B4GALT7: variants seen among roughly 807,000 people sequenced by gnomAD.
B4GALT7 encodes UDP-Gal:beta-GlcNAc beta-1,4-galactosyltransferase 7.
A neutral mutation model predicts 33.0 loss-of-function variants in B4GALT7; 30 were observed. The observed-to-expected ratio is 0.91, with a 90% CI of 0.68 to 1.23. B4GALT7 has a LOEUF of 1.23. B4GALT7 is among the 50% of genes most tolerant of loss of function. The probability of loss-of-function intolerance (pLI) is 0.00; values close to 1 mark genes in which losing one functional copy is unlikely to be tolerated. For synonymous variants in B4GALT7, 213 were observed against 187.2 expected, an observed-to-expected ratio of 1.14 and a Z score of -1.13; for missense variants, 507 against 450.8, an observed-to-expected ratio of 1.12 and a Z score of -1.13.
chr5:177,607,434 C>G lies in B4GALT7; in HGVS notation c.546C>G (p.Pro182=). The change falls in exon 3 of 6, where the codon CCC becomes CCG. Residue 182 remains proline (P), a synonymous_variant. Transcript: ENST00000029410. ...ELDYGFPEAG[P]FHVASPELHP... ...ACTATGGCTTTCCTGAGGCTGGGCC[C>G]TTCCACGTGGCCTCCCCGGAGCTCC... 1 of 1,614,026 alleles carries G rather than the reference C, an allele frequency of 6.2e-7. No homozygotes were observed. Among genetic ancestry groups the G allele is most frequent in the Non-Finnish European group, 8.5e-7 (1 of 1,180,046 alleles).
At position 177,600,345 on chromosome 5, in the gene B4GALT7, C is replaced by A; in HGVS notation, c.50+85C>A. ...CCGGCGGAATCTGGGAACCCGAGGC[C>A]ATCACGTCTCCATGTCTGCGGGTTT... On this transcript the variant is annotated intron_variant, in intron 1 of 5. Transcript: ENST00000029410. The surrounding 1 kb of genome is among the most constrained non-coding windows in gnomAD (Gnocchi z 4.4). The A allele has an allele frequency of 9.0e-7, 1 of 1,105,052 alleles. No homozygotes were observed. The highest frequency in any genetic ancestry group is 1.2e-6 in the Non-Finnish European group (1 of 863,868). 68.5% of individuals were successfully genotyped at this position (1,105,052 alleles called of 1,614,324 possible).
At position 177,604,298 on chromosome 5, in the gene B4GALT7, T is replaced by C. The variant is rs1767918464; in HGVS notation, c.170T>C (p.Val57Ala). The C allele has an allele frequency of 6.2e-7, 1 of 1,611,736 alleles. No homozygotes were observed. The highest frequency in any genetic ancestry group is 1.7e-5 in the Admixed American group (1 of 59,774). ...LWLQLSCSGD[V>A]ARAVRGQGQE... is the part of the protein sequence containing the mutation. ...CTGCAGCTCAGCTGCTCTGGGGACG[T>C]GGCCCGGGCAGTCAGGGGACAAGGG... Residue 57 changes from valine to alanine, a missense_variant, in exon 2 of 6, where the codon GTG becomes GCG. Coordinates refer to ENST00000029410, the MANE Select transcript of B4GALT7 (RefSeq NM_007255.3).
At chr5:177,602,404 T>A (rs749221196) in intron 1 of B4GALT7, among the ~76,000 whole-genome samples, 1 of 152,208 alleles carries the variant, frequency 6.6e-6, no homozygotes, top group Non-Finnish European at 1.5e-5. Flanking sequence ...CTGTCTGGCC[T>A]GTGCTTGCTG....
rs372153569 is a variant in B4GALT7 at position 177,609,710 on chromosome 5, G to A, written c.*15G>A. 3.4e-5 allele frequency: 54 copies of A among 1,590,344 alleles called. No individual in the cohort carries two copies. Among genetic ancestry groups the A allele is most frequent in the Non-Finnish European group, 4.4e-5 (51 of 1,168,456 alleles). On this transcript the variant is annotated 3_prime_UTR_variant, in exon 6 of 6. Transcript: ENST00000029410. ...CATTCAGCTGAGCTGGATGGACAGT[G>A]AGGAAGCCTGTACCTACAGGCCATA... is the stretch of plus-strand genomic sequence containing the variant.
In B4GALT7 at chr5:177,600,408, G is replaced by A; in HGVS notation, c.50+148G>A. On this transcript the variant is annotated intron_variant, in intron 1 of 5. Coordinates refer to ENST00000029410, the MANE Select transcript of B4GALT7 (RefSeq NM_007255.3). The surrounding 1 kb of genome is among the most constrained non-coding windows in gnomAD (Gnocchi z 4.4). ...GTGGTTCTCCCTGTGGGTCCCTGGC[G>A]CTCTGTTCCGGTTTCTGTCTGTCCC... 3.4e-6 allele frequency: 2 copies of A among 583,196 alleles called. No homozygotes were observed. Among genetic ancestry groups the A allele is most frequent in the South Asian group, 7.3e-5 (1 of 13,672 alleles). 36.1% of individuals were successfully genotyped at this position (583,196 alleles called of 1,614,324 possible).
At position 177,608,359 on chromosome 5, in the gene B4GALT7, C is replaced by A. The variant is rs1056763933; in HGVS notation, c.640-180C>A. The A allele has an allele frequency of 1.6e-6, 1 of 608,774 alleles. No individual in the cohort carries two copies. Among genetic ancestry groups the A allele is most frequent in the Admixed American group, 2.7e-5 (1 of 36,438 alleles). The allele number at this position is 608,774 out of a possible 1,614,324, so 37.7% of individuals were successfully genotyped here. On this transcript the variant is annotated intron_variant, in intron 3 of 5. Coordinates refer to ENST00000029410, the MANE Select transcript of B4GALT7 (RefSeq NM_007255.3). This position sits in a 1 kb window ranked among gnomAD's most constrained non-coding sequence, Gnocchi z 4.1. Reference sequence around the variant, plus strand: ...ACACAGGTTCAAGGCCCCGTGAGAACGGGAGAGGGCCCGGGACGCGCTGCT... The same window carrying A: ...ACACAGGTTCAAGGCCCCGTGAGAAAGGGAGAGGGCCCGGGACGCGCTGCT...
chr5:177,600,222 G>T lies in B4GALT7; in HGVS notation c.12G>T (p.Ser4=). The T allele has an allele frequency of 7.2e-7, 1 of 1,391,542 alleles. No homozygotes were observed. Among genetic ancestry groups the T allele is most frequent in the Non-Finnish European group, 9.4e-7 (1 of 1,066,238 alleles). 86.2% of individuals were successfully genotyped at this position (1,391,542 alleles called of 1,614,324 possible). ...CGCCTCTCCGCACGATGTTCCCCTC[G>T]CGGAGGAAAGCGGCGCAGCTGCCCT... MFP[S]RRKAAQLPWE... Residue 4 remains serine (S), a synonymous_variant, in exon 1 of 6, where the codon TCG becomes TCT. Coordinates refer to ENST00000029410, the MANE Select transcript of B4GALT7 (RefSeq NM_007255.3). This position sits in a 1 kb window ranked among gnomAD's most constrained non-coding sequence, Gnocchi z 4.4.
chr5:177,604,094 C>T (rs1767908918), intron 1 of B4GALT7, 85 bp from the exon 2 acceptor site: 1 of 1,587,378 alleles, frequency 6.3e-7, no homozygotes, highest in Non-Finnish European at 8.6e-7. Context: ...TTATGTGCAG[C>T]CTCCTCGTGG....
intron 1 of B4GALT7, among the ~76,000 whole-genome samples, chr5:177,601,784 A>C (rs1490972281): frequency 1.3e-5 from 2 of 150,324 alleles, no homozygotes; most frequent in Non-Finnish European, 2.9e-5. Flanking sequence ...TGGGACTGCA[A>C]ATCTGGTTTG....
rs139682890 is a variant in B4GALT7, at chr5:177,601,253, T to C, written c.50+993T>C. ...CCTGGGCAGGAGTCCTCCGTAATTA[T>C]GTGAGCAGAGACCCCTGCATCTGTC... On this transcript the variant is annotated intron_variant, in intron 1 of 5. Transcript: ENST00000029410. Among the ~76,000 whole-genome samples, 256 of 152,306 alleles carry C rather than the reference T, an allele frequency of 1.7e-3. 1 individual carries two copies. Among genetic ancestry groups the C allele is most frequent in the Middle Eastern group, 3.4e-3 (1 of 294 alleles).
chr5:177,604,146 C>A (rs760780051), intron 1 of B4GALT7, 33 bp from the exon 2 acceptor site: 2 of 1,612,558 alleles, frequency 1.2e-6, no homozygotes, highest in South Asian at 2.2e-5. Context: ...AGCCCTGCCC[C>A]GCCCTCCTGA....
rs1035241186 is a variant in B4GALT7 at position 177,608,781 on chromosome 5, TG to T, written c.724-128del. On this transcript the variant is annotated intron_variant, in intron 4 of 5. Transcript: ENST00000029410. The surrounding 1 kb of genome is among the most constrained non-coding windows in gnomAD (Gnocchi z 4.1). ...TGGTCATCTAGCCAGTTCCTTGCCC[TG>T]TGGGCCCCAGTCTCCTCTCCTGCAG... The T allele has an allele frequency of 2.0e-4, 221 of 1,127,770 alleles. No individual in the cohort carries two copies. The highest frequency in any genetic ancestry group is 2.6e-4 in the Non-Finnish European group (197 of 756,956). 69.9% of individuals were successfully genotyped at this position (1,127,770 alleles called of 1,614,324 possible).
At chr5:177,601,937 G>T (rs2127510352) in intron 1 of B4GALT7, among the ~76,000 whole-genome samples, 1 of 152,354 alleles carries the variant, frequency 6.6e-6, no homozygotes, top group Admixed American at 6.5e-5. Flanking sequence ...CATAGGAGAG[G>T]GGAGCAGGGC....
intron 1 of B4GALT7, chr5:177,603,409 T>G: frequency 2.1e-6 from 2 of 966,040 alleles, no homozygotes; most frequent in Non-Finnish European, 2.5e-6. Flanking sequence ...GGCTGTCTCC[T>G]GGCATCACCC....
Position 177,608,256 on chromosome 5 carries a change from T to C in B4GALT7, c.640-283T>C, listed in dbSNP as rs1480663452. 3 of 485,436 alleles carry C rather than the reference T, an allele frequency of 6.2e-6. No homozygotes were observed. Among genetic ancestry groups the C allele is most frequent in the African/African-American group, 5.9e-5 (3 of 51,164 alleles). The allele number at this position is 485,436 out of a possible 1,614,324, so 30.1% of individuals were successfully genotyped here. A position where few individuals can be genotyped will look rare whatever the true frequency, so the allele number is the denominator to read the frequency against. On this transcript the variant is annotated intron_variant, in intron 3 of 5. Transcript: ENST00000029410. The surrounding 1 kb of genome is among the most constrained non-coding windows in gnomAD (Gnocchi z 4.1). ...GGGGAAGCAGAAATCAAGTAGGAGC[T>C]GGCGCTTCTGCCCATCGACAGTTCC...
In B4GALT7 at chr5:177,608,637, G is replaced by A; in HGVS notation, c.723+15G>A. The A allele has an allele frequency of 1.2e-6, 2 of 1,610,574 alleles. No homozygotes were observed. The highest frequency in any genetic ancestry group is 1.7e-6 in the Non-Finnish European group (2 of 1,178,130). ...CTGGGCTCCAGGTGAGATTCCCCGG[G>A]CCCCGCCGCCACCTCAGCTGCGGTG... On this transcript the variant is annotated intron_variant, in intron 4 of 5. Transcript: ENST00000029410. The surrounding 1 kb of genome is among the most constrained non-coding windows in gnomAD (Gnocchi z 4.1).
At chr5:177,603,716 G>T (rs1035608963) in intron 1 of B4GALT7, among the ~76,000 whole-genome samples, 11 of 152,160 alleles carry the variant, frequency 7.2e-5, no homozygotes, top group African/African-American at 2.7e-4. Flanking sequence ...ATGGAGCCAC[G>T]GTTTCTGCTG....
At chr5:177,609,439 T>G in intron 5 of B4GALT7, 101 bp from the exon 6 acceptor site, 1 of 1,441,776 alleles carries the variant, frequency 6.9e-7, no homozygotes, top group South Asian at 1.1e-5. Context: ...TCCTCTCCAG[T>G]GGGGACCACA....
At position 177,609,635 on chromosome 5, in the gene B4GALT7, T is replaced by A. The variant is rs1356105609; in HGVS notation, c.924T>A (p.Thr308=). 1 of 1,613,988 alleles carries A rather than the reference T, an allele frequency of 6.2e-7. No individual in the cohort carries two copies. The highest frequency in any genetic ancestry group is 8.5e-7 in the Non-Finnish European group (1 of 1,180,020). ...TGTCTGTGGGCGGGGCCCCCTGCAC[T>A]GTCCTCAACATCATGTTGGACTGTG... ...TALSVGGAPC[T]VLNIMLDCDK... The change falls in exon 6 of 6, where the codon ACT becomes ACA. Residue 308 remains threonine, a synonymous_variant. Coordinates refer to ENST00000029410, the MANE Select transcript of B4GALT7 (RefSeq NM_007255.3).
Sources: gnomAD v4.1 joint callset for allele counts (sites outside exome capture counted in the v4.1 genomes callset) on GRCh38, gnomAD v4.1.1 for gene constraint, Gnocchi (gnomAD v3.1) non-coding constraint, MANE v1.5 for transcripts, NCBI Gene and HGNC (gene_info 2026-07-23, HGNC 2026-07-21) for gene names.